The following AGR3 variants were observed in gnomAD, a reference collection of about 807,000 sequenced individuals.
AGR3 encodes the protein anterior gradient 3, protein disulphide isomerase family member.
A neutral mutation model predicts 24.5 loss-of-function variants in AGR3; 37 were observed. That is an observed-to-expected ratio of 1.51 (90% CI 1.16 to 1.99). AGR3 has a LOEUF of 1.99. Ranked by LOEUF, AGR3 falls within the 30% of genes most tolerant of loss-of-function variation. The probability of loss-of-function intolerance (pLI) is 0.00; values close to 1 mark genes in which losing one functional copy is unlikely to be tolerated. For missense variants in AGR3, 228 were observed against 191.1 expected (o/e 1.19, Z -1.14); for synonymous variants, 75 against 61.6 (o/e 1.22, Z -1.02).
intron 3 of AGR3, among the ~76,000 whole-genome samples, chr7:16,866,881 G>A (rs914337074): frequency 6.6e-6 from 1 of 151,880 alleles, no homozygotes; most frequent in African/African-American, 2.4e-5. Flanking sequence ...TTTTTCCTTT[G>A]TAAGTTTTTG....
intron 2 of AGR3, among the ~76,000 whole-genome samples, chr7:16,875,254 C>G (rs1214429765): frequency 6.6e-6 from 1 of 152,154 alleles, no homozygotes; most frequent in Non-Finnish European, 1.5e-5. Context: ...CTATCACCTG[C>G]TCCCCATTTT....
intron 2 of AGR3, among the ~76,000 whole-genome samples, chr7:16,875,744 T>A (rs1395082760): frequency 6.7e-6 from 1 of 149,776 alleles, no homozygotes; most frequent in East Asian, 1.9e-4. Context: ...TTGTTTTTTG[T>A]TTTTTTTTGC....
intron 3 of AGR3, among the ~76,000 whole-genome samples, chr7:16,863,751 TTA>T (rs1201572218): frequency 6.6e-6 from 1 of 152,020 alleles, no homozygotes; most frequent in African/African-American, 2.4e-5. Flanking sequence ...TATTAATATT[TTA>T]TCTTATTAGT....
intron 2 of AGR3, among the ~76,000 whole-genome samples, chr7:16,876,567 T>C (rs6963907): frequency 0.93 from 141,575 of 152,062 alleles, 66,460 homozygotes; most frequent in Non-Finnish European, 1. Flanking sequence ...TATCCAGACT[T>C]CTCCCACTCA....
At chr7:16,875,277 C>T (rs1583846122) in intron 2 of AGR3, among the ~76,000 whole-genome samples, 1 of 152,238 alleles carries the variant, frequency 6.6e-6, no homozygotes, top group East Asian at 1.9e-4. Flanking sequence ...TCAAATGCCA[C>T]AGCCCTAAGA....
At chr7:16,877,073 T>C (rs1479642591) in intron 2 of AGR3, among the ~76,000 whole-genome samples, 2 of 151,912 alleles carry the variant, frequency 1.3e-5, no homozygotes, top group African/African-American at 4.8e-5. Context: ...ATATATAGAT[T>C]GTGTGTTTGT....
downstream of AGR3, among the ~76,000 whole-genome samples, chr7:16,856,349 C>CAAGG (rs1476211207): frequency 2.6e-5 from 4 of 152,098 alleles, no homozygotes; most frequent in East Asian, 1.9e-4. Context: ...GGAAGGAGGA[C>CAAGG]AAGGAAGAGG....
At chr7:16,871,992 T>C (rs1359676239) in intron 3 of AGR3, among the ~76,000 whole-genome samples, 1 of 152,090 alleles carries the variant, frequency 6.6e-6, no homozygotes, top group African/African-American at 2.4e-5. Context: ...ATGCCATGGA[T>C]TGGAAGAATG....
intron 3 of AGR3, among the ~76,000 whole-genome samples, chr7:16,863,717 G>C (rs1781692927): frequency 6.6e-6 from 1 of 151,706 alleles, no homozygotes; most frequent in Non-Finnish European, 1.5e-5. Flanking sequence ...ATATGCCACT[G>C]TTCTTTTATA....
At chr7:16,871,137 A>G (rs1037303858) in intron 3 of AGR3, among the ~76,000 whole-genome samples, 3 of 152,166 alleles carry the variant, frequency 2.0e-5, no homozygotes, top group African/African-American at 4.8e-5. Flanking sequence ...AAGCTACTCA[A>G]ATTGCTCTAA....
At chr7:16,858,049 A>G (rs190788917), downstream of AGR3, among the ~76,000 whole-genome samples, 1 of 151,304 alleles carries the variant, frequency 6.6e-6, no homozygotes, top group South Asian at 2.1e-4. Context: ...GTGCAATGGA[A>G]CGATCTTGGC....
chr7:16,856,307 A>C (rs1287661555), downstream of AGR3, among the ~76,000 whole-genome samples: 1 of 152,216 alleles, frequency 6.6e-6, no homozygotes, highest in Non-Finnish European at 1.5e-5. Context: ...CTTGATCTGA[A>C]TAGAAATGTT....
intron 2 of AGR3, among the ~76,000 whole-genome samples, chr7:16,878,297 C>A (rs1782029970): frequency 6.6e-6 from 1 of 152,146 alleles, no homozygotes; most frequent in Admixed American, 6.5e-5. Context: ...AAAGATAATG[C>A]AAATTTATGT....
chr7:16,861,981 T>C lies in AGR3; in HGVS notation c.303+3A>G. 6.2e-7 allele frequency: 1 copy of C among 1,603,422 alleles called. No homozygotes were observed. The highest frequency in any genetic ancestry group is 8.5e-7 in the Non-Finnish European group (1 of 1,172,490). On this transcript the variant is annotated splice_donor_region_variant and intron_variant, in intron 5 of 7. Coordinates refer to ENST00000310398, the MANE Select transcript of AGR3 (RefSeq NM_176813.5). ...TTAAGAAAACATCACAAAGTTTATG[T>C]ACCATAAGGTTTAGCATGATGAACT...
intron 6 of AGR3, 21 bp downstream of exon 6, chr7:16,861,363 G>A (rs367787787): frequency 1.3e-6 from 2 of 1,546,592 alleles, no homozygotes; most frequent in African/African-American, 1.4e-5. Flanking sequence ...TAGATCTGAT[G>A]AAATGAGATC....
intron 3 of AGR3, among the ~76,000 whole-genome samples, chr7:16,871,197 C>G (rs1781857281): frequency 6.6e-6 from 1 of 152,168 alleles, no homozygotes; most frequent in Admixed American, 6.5e-5. Flanking sequence ...AGTTTTCTGT[C>G]TAAGCTTGTA....
At chr7:16,864,662 A>T in intron 3 of AGR3, 1 of 1,584,274 alleles carries the variant, frequency 6.3e-7, no homozygotes, top group African/African-American at 1.3e-5. Flanking sequence ...GGTAGGCAGA[A>T]GTCAGGAAAA....
At chr7:16,859,403 T>G, downstream of AGR3, 1 of 532,818 alleles carries the variant, frequency 1.9e-6, no homozygotes, top group East Asian at 3.5e-5. Context: ...TAAAACTATA[T>G]TGTCAGTCTC....
rs559944049 is a variant in AGR3, at chr7:16,864,850, C to G, written c.174-2188G>C. ...TGTCCTATATTTCCTGAGTAAAGAG[C>G]GTGTATTCCAGTCACCACTGAGGAT... On this transcript the variant is annotated intron_variant, in intron 3 of 7. Coordinates refer to ENST00000310398, the MANE Select transcript of AGR3 (RefSeq NM_176813.5). 5.8e-6 allele frequency: 5 copies of G among 866,224 alleles called. No homozygotes were observed. In the East Asian group the frequency reaches 7.2e-5, roughly 12 times the overall value. 53.7% of individuals were successfully genotyped at this position (866,224 alleles called of 1,614,324 possible).
Sources: allele counts gnomAD v4.1 joint callset (sites outside exome capture counted in the v4.1 genomes callset), GRCh38; gene constraint gnomAD v4.1.1; transcripts MANE v1.5; gene names NCBI Gene and HGNC (gene_info 2026-07-23, HGNC 2026-07-21).